HEG1: variants seen among roughly 807,000 people sequenced by gnomAD.
HEG1 encodes the protein heart development protein with EGF like domains 1.
Under a neutral mutation model 125.6 loss-of-function variants are expected in HEG1, and 56 were observed. The ratio of observed to expected loss-of-function variants is 0.45; its 90% confidence interval spans 0.36 to 0.56. The LOEUF (loss-of-function observed/expected upper bound fraction) is 0.56, where lower values mean the gene tolerates loss of function less well. HEG1 is among the 20% of genes least tolerant of loss of function. The probability of loss-of-function intolerance (pLI) is 0.00; values close to 1 mark genes in which losing one functional copy is unlikely to be tolerated. For synonymous variants in HEG1, 644 were observed against 668.5 expected (o/e 0.96, Z 0.57); for missense variants, 1,523 against 1,670.0 (o/e 0.91, Z 1.53).
intron 5 of HEG1, among the ~76,000 whole-genome samples, chr3:125,016,973 GAA>G (rs1937259286): frequency 6.6e-6 from 1 of 151,786 alleles, no homozygotes; most frequent in South Asian, 2.1e-4. Flanking sequence ...ATTCCATCAA[GAA>G]AGAGAAAAGA....
At chr3:125,022,006 C>T (rs1262912353) in intron 3 of HEG1, among the ~76,000 whole-genome samples, 4 of 152,192 alleles carry the variant, frequency 2.6e-5, no homozygotes, top group African/African-American at 9.7e-5. Context: ...AGGAGTGAAT[C>T]AGACGCTATT....
intron 8 of HEG1, among the ~76,000 whole-genome samples, chr3:125,007,781 T>C (rs1937094219): frequency 6.6e-6 from 1 of 152,222 alleles, no homozygotes; most frequent in African/African-American, 2.4e-5. Context: ...GCAAATACAC[T>C]TTCCCCACAA....
At chr3:125,031,386 G>A (rs1937495381) in intron 1 of HEG1, among the ~76,000 whole-genome samples, 1 of 152,144 alleles carries the variant, frequency 6.6e-6, no homozygotes, top group Non-Finnish European at 1.5e-5. Flanking sequence ...TATCAAATAT[G>A]GGTGCCAATT....
intron 14 of HEG1, among the ~76,000 whole-genome samples, chr3:124,988,745 C>A (rs578028651): frequency 2.5e-3 from 387 of 152,262 alleles, no homozygotes; most frequent in African/African-American, 8.7e-3. Flanking sequence ...GGTAAAACCC[C>A]GTCTCTACTA....
chr3:125,053,055 G>C (rs1937847700), intron 1 of HEG1, among the ~76,000 whole-genome samples: 1 of 152,198 alleles, frequency 6.6e-6, no homozygotes, highest in African/African-American at 2.4e-5. Context: ...CAACCAAATG[G>C]AGCACGTTAC....
chr3:125,046,078 C>T (rs1016021223), intron 1 of HEG1, among the ~76,000 whole-genome samples: 3 of 152,082 alleles, frequency 2.0e-5, no homozygotes, highest in African/African-American at 7.2e-5. Flanking sequence ...CATTAGGCAG[C>T]TATCCAATGC....
intron 3 of HEG1, among the ~76,000 whole-genome samples, chr3:125,022,965 G>A (rs550086351): frequency 7.9e-5 from 12 of 152,256 alleles, no homozygotes; most frequent in Middle Eastern, 3.4e-3. Flanking sequence ...AGGTTGAGGC[G>A]GGTGGGTCAC....
chr3:124,986,565 T>G (rs528918657), intron 14 of HEG1, among the ~76,000 whole-genome samples: 3 of 152,204 alleles, frequency 2.0e-5, no homozygotes, highest in Non-Finnish European at 2.9e-5. Context: ...ATTAACTGTC[T>G]TGCAACACTG....
At chr3:124,985,506 G>A (rs1248460040) in intron 14 of HEG1, among the ~76,000 whole-genome samples, 1 of 152,198 alleles carries the variant, frequency 6.6e-6, no homozygotes, top group Non-Finnish European at 1.5e-5. Flanking sequence ...GAGGAAATGT[G>A]CACGCCCTAA....
At chr3:125,006,181 C>T (rs539588334) in intron 8 of HEG1, among the ~76,000 whole-genome samples, 11 of 152,262 alleles carry the variant, frequency 7.2e-5, no homozygotes, top group Admixed American at 5.9e-4. Context: ...GGGCTGCCGA[C>T]TCCATGATTA....
At chr3:125,040,497 T>C (rs1047599714) in intron 1 of HEG1, among the ~76,000 whole-genome samples, 9 of 152,110 alleles carry the variant, frequency 5.9e-5, no homozygotes, top group African/African-American at 2.2e-4. Context: ...AGTAAGACAC[T>C]GATGCTCAGC....
At chr3:125,008,092 TAG>T (rs1560023429) in intron 8 of HEG1, among the ~76,000 whole-genome samples, 1 of 152,080 alleles carries the variant, frequency 6.6e-6, no homozygotes, top group Admixed American at 6.5e-5. Flanking sequence ...GTAATTTTAG[TAG>T]AGTCAGGGTT....
At chr3:125,047,795 G>GTC (rs912730439) in intron 1 of HEG1, among the ~76,000 whole-genome samples, 3 of 152,190 alleles carry the variant, frequency 2.0e-5, no homozygotes, top group Admixed American at 1.3e-4. Context: ...ACAAGCAGGT[G>GTC]TCTCTCTCCT....
rs563782995 is a variant in HEG1 at position 125,055,606 on chromosome 3, G to A, written c.285C>T (p.Pro95=). The A allele has an allele frequency of 1.9e-5, 23 of 1,206,316 alleles. No homozygotes were observed. In the East Asian group the frequency reaches 7.1e-4, roughly 37 times the overall value. 74.7% of individuals were successfully genotyped at this position (1,206,316 alleles called of 1,614,324 possible). The stretch of plus-strand genomic sequence containing the variant: ...TCCCGCCTCTGGGGGCCCGGCCGGA[G>A]GGTCCCCGCTGTGTCGCGGCGCCTG... ...PEPGAATQRG[P]SGRAPRGGSA... Residue 95 remains proline (P), a synonymous_variant, in exon 1 of 17, where the codon CCC becomes CCT. Coordinates refer to ENST00000311127, the MANE Select transcript of HEG1 (RefSeq NM_020733.2).
At chr3:125,004,146 T>A (rs188125223) in intron 9 of HEG1, among the ~76,000 whole-genome samples, 1 of 152,164 alleles carries the variant, frequency 6.6e-6, no homozygotes, top group South Asian at 2.1e-4. Context: ...CCATCTGACA[T>A]CGTCCCTATC....
chr3:124,985,109 A>C (rs1296497121), intron 14 of HEG1, among the ~76,000 whole-genome samples: 1 of 152,218 alleles, frequency 6.6e-6, no homozygotes, highest in Non-Finnish European at 1.5e-5. Flanking sequence ...TATGCATATA[A>C]ATCTGCATAT....
intron 1 of HEG1, among the ~76,000 whole-genome samples, chr3:125,033,584 C>T (rs1016061458): frequency 6.6e-6 from 1 of 152,152 alleles, no homozygotes; most frequent in Non-Finnish European, 1.5e-5. Context: ...GTCACATTAC[C>T]TCTGTGGTCT....
At position 124,967,303 on chromosome 3, in the gene HEG1, A is replaced by C. The variant is rs983671512; in HGVS notation, c.*3349T>G. On this transcript the variant is annotated 3_prime_UTR_variant, in exon 17 of 17. Coordinates refer to ENST00000311127, the MANE Select transcript of HEG1 (RefSeq NM_020733.2). ...TGTATGTCTGACTGCACTTGTCAGA[A>C]ACCCAGGTCCTTGCCTTCCACTTCC... is the stretch of plus-strand genomic sequence containing the variant. 1 of 152,194 alleles carries C rather than the reference A, an allele frequency of 6.6e-6. No individual in the cohort carries two copies. Among genetic ancestry groups the C allele is most frequent in the Non-Finnish European group, 1.5e-5 (1 of 68,040 alleles). 9.4% of individuals were successfully genotyped at this position (152,194 alleles called of 1,614,324 possible). A position where few individuals can be genotyped will look rare whatever the true frequency, so the allele number is the denominator to read the frequency against.
chr3:125,029,612 AG>A (rs563791595), intron 1 of HEG1, 124 bp from the exon 2 acceptor site: 2 of 933,300 alleles, frequency 2.1e-6, no homozygotes, highest in South Asian at 1.6e-5. Context: ...AATTTTGGCC[AG>A]GCATGATGGC....
Sources: gnomAD v4.1 joint callset for allele counts (sites outside exome capture counted in the v4.1 genomes callset) on GRCh38, gnomAD v4.1.1 for gene constraint, MANE v1.5 for transcripts, NCBI Gene and HGNC (gene_info 2026-07-23, HGNC 2026-07-21) for gene names.